PDSS2: variants seen among roughly 807,000 people sequenced by gnomAD.
The protein encoded by PDSS2 is all trans-polyprenyl-diphosphate synthase PDSS2.
PDSS2 carries 31 observed loss-of-function variants against 44.5 expected under a neutral mutation model. The observed-to-expected ratio is 0.70, with a 90% CI of 0.52 to 0.94. PDSS2 has a LOEUF of 0.94. Among genes scored for constraint, PDSS2 ranks in the 40% least tolerant of loss-of-function variants. The pLI is 0.00. For synonymous variants in PDSS2, 157 were observed against 180.3 expected, an observed-to-expected ratio of 0.87 and a Z score of 1.03; for missense variants, 452 against 482.2, an observed-to-expected ratio of 0.94 and a Z score of 0.59.
chr6:107,333,638 C>T (rs1340590086), intron 2 of PDSS2, among the ~76,000 whole-genome samples: 1 of 152,110 alleles, frequency 6.6e-6, no homozygotes, highest in African/African-American at 2.4e-5. Context: ...TGGCCTCAAG[C>T]AATCCTCCTG....
At chr6:107,334,981 G>A (rs1480333149) in intron 1 of PDSS2, among the ~76,000 whole-genome samples, 2 of 151,760 alleles carry the variant, frequency 1.3e-5, no homozygotes, top group South Asian at 4.2e-4. Context: ...GTGAAACCCC[G>A]TCCTTACAAA....
intron 7 of PDSS2, among the ~76,000 whole-genome samples, chr6:107,175,062 A>G (rs1012867952): frequency 7.9e-5 from 12 of 152,000 alleles, no homozygotes; most frequent in Non-Finnish European, 1.8e-4. Flanking sequence ...AAATACAAAA[A>G]TTAGCCAGGC....
intron 7 of PDSS2, among the ~76,000 whole-genome samples, chr6:107,159,716 C>A (rs911434875): frequency 5.9e-5 from 9 of 151,806 alleles, no homozygotes; most frequent in African/African-American, 2.2e-4. Flanking sequence ...CTGCGCTGGG[C>A]CAAGCTCCCC....
chr6:107,459,206 G>A lies in PDSS2; in HGVS notation c.80C>T (p.Pro27Leu), dbSNP rs1391435665. 3.7e-6 allele frequency: 6 copies of A among 1,614,092 alleles called. No homozygotes were observed. Among genetic ancestry groups the A allele is most frequent in the African/African-American group, 1.3e-5 (1 of 75,062 alleles). ...SGSPRRLWWSPSLDTISSVGS... is the reference protein window; with the variant it reads ...SGSPRRLWWSLSLDTISSVGS... ...CACCGAGGAGATGGTGTCGAGGGAC[G>A]GGGACCACCACAGGCGACGCGGGGA... Residue 27 changes from proline to leucine, a missense_variant, in exon 1 of 8, where the codon CCG (proline) becomes CTG (leucine). Transcript: ENST00000369037. The surrounding 1 kb of genome is among the most constrained non-coding windows in gnomAD (Gnocchi z 4.3).
chr6:107,424,120 C>A (rs899144941), intron 1 of PDSS2, among the ~76,000 whole-genome samples: 1 of 147,444 alleles, frequency 6.8e-6, no homozygotes, highest in African/African-American at 2.6e-5. Flanking sequence ...CGGCTCACTG[C>A]AGCCTTGACC....
intron 1 of PDSS2, among the ~76,000 whole-genome samples, chr6:107,364,193 C>T (rs1298642006): frequency 2.6e-5 from 4 of 152,230 alleles, no homozygotes; most frequent in Non-Finnish European, 5.9e-5. Context: ...TAGTGGATCC[C>T]GCACTGGGGC....
chr6:107,302,334 T>A (rs79191580), intron 2 of PDSS2, among the ~76,000 whole-genome samples: 1 of 151,808 alleles, frequency 6.6e-6, no homozygotes. Context: ...GGTACAGTAG[T>A]GTGATCATAG....
intron 7 of PDSS2, among the ~76,000 whole-genome samples, chr6:107,166,851 T>G (rs1771369136): frequency 6.6e-6 from 1 of 152,142 alleles, no homozygotes; most frequent in South Asian, 2.1e-4. Context: ...TGGATAAGCT[T>G]TTTGATGTGC....
At chr6:107,254,756 C>T (rs1368554225) in intron 3 of PDSS2, among the ~76,000 whole-genome samples, 1 of 152,094 alleles carries the variant, frequency 6.6e-6, no homozygotes, top group East Asian at 1.9e-4. Flanking sequence ...ATCTGGAGAC[C>T]CTCTCAGTGA....
intron 7 of PDSS2, among the ~76,000 whole-genome samples, chr6:107,168,004 A>C (rs1376469549): frequency 6.6e-6 from 1 of 152,190 alleles, no homozygotes. Flanking sequence ...CGCTTGGTGC[A>C]GAGCTGAGTT....
At chr6:107,406,306 CA>C (rs1562519276) in intron 1 of PDSS2, among the ~76,000 whole-genome samples, 1 of 151,986 alleles carries the variant, frequency 6.6e-6, no homozygotes, top group Non-Finnish European at 1.5e-5. Context: ...TTTAGATGAT[CA>C]AAAAAGATAC....
chr6:107,257,883 C>T (rs1775077746), intron 3 of PDSS2, among the ~76,000 whole-genome samples: 1 of 152,152 alleles, frequency 6.6e-6, no homozygotes, highest in Non-Finnish European at 1.5e-5. Flanking sequence ...TCCCAAAGTG[C>T]TGGGATTAGG....
intron 4 of PDSS2, among the ~76,000 whole-genome samples, chr6:107,228,261 C>T (rs990182815): frequency 2.0e-5 from 3 of 152,318 alleles, no homozygotes; most frequent in Middle Eastern, 3.4e-3. Context: ...CTTTCTTAGT[C>T]ACCAACAGTT....
At chr6:107,286,017 G>A (rs1776129526) in intron 2 of PDSS2, among the ~76,000 whole-genome samples, 1 of 151,886 alleles carries the variant, frequency 6.6e-6, no homozygotes, top group African/African-American at 2.4e-5. Flanking sequence ...GCGGGTGCCT[G>A]TAATCCCAGC....
intron 2 of PDSS2, among the ~76,000 whole-genome samples, chr6:107,328,077 T>C (rs2115207697): frequency 6.6e-6 from 1 of 152,316 alleles, no homozygotes; most frequent in African/African-American, 2.4e-5. Context: ...TGTAAAGGTA[T>C]ACAAAGCTAA....
At chr6:107,212,909 C>G (rs2114639729) in intron 4 of PDSS2, among the ~76,000 whole-genome samples, 1 of 151,712 alleles carries the variant, frequency 6.6e-6, no homozygotes, top group Middle Eastern at 3.5e-3. Flanking sequence ...GAGGCTGAGG[C>G]AGGAAGATCA....
At chr6:107,358,677 A>G (rs1778664210) in intron 1 of PDSS2, among the ~76,000 whole-genome samples, 1 of 152,224 alleles carries the variant, frequency 6.6e-6, no homozygotes, top group African/African-American at 2.4e-5. Context: ...AAATATGGCA[A>G]CATTTTAAAT....
intron 1 of PDSS2, among the ~76,000 whole-genome samples, chr6:107,365,409 T>G (rs1022243770): frequency 6.6e-6 from 1 of 151,950 alleles, no homozygotes; most frequent in Non-Finnish European, 1.5e-5. Context: ...TTCCCTAAAA[T>G]ATTTTCATTT....
At chr6:107,286,136 T>TAAAATTAAAAA (rs67225192) in intron 2 of PDSS2, among the ~76,000 whole-genome samples, 2 of 128,742 alleles carry the variant, frequency 1.6e-5, no homozygotes, top group Middle Eastern at 4.3e-3. Flanking sequence ...CGTCGCAAAA[T>TAAAATTAAAAA]AAAAAAAAAA....
Sources: allele counts gnomAD v4.1 joint callset (sites outside exome capture counted in the v4.1 genomes callset), GRCh38; gene constraint gnomAD v4.1.1; non-coding constraint Gnocchi (gnomAD v3.1); transcripts MANE v1.5; gene names NCBI Gene and HGNC (gene_info 2026-07-23, HGNC 2026-07-21).